Variants in RGS10 observed in about 807,000 individuals in gnomAD.
RGS10 encodes the protein regulator of G protein signaling 10, also known as regulator of G-protein signalling 10.
Under a neutral mutation model 23.5 loss-of-function variants are expected in RGS10, and 11 were observed. The observed-to-expected ratio is 0.47, with a 90% CI of 0.29 to 0.77. RGS10 has a LOEUF of 0.77. RGS10 is among the 30% of genes least tolerant of loss of function. The pLI is 0.08. For missense variants in RGS10, 180 were observed against 226.3 expected (o/e 0.80, Z 1.31); for synonymous variants, 77 against 83.2 (o/e 0.92, Z 0.41).
At chr10:119,534,873 A>G (rs1371663455) in intron 1 of RGS10, among the ~76,000 whole-genome samples, 2 of 152,190 alleles carry the variant, frequency 1.3e-5, no homozygotes, top group African/African-American at 4.8e-5. Flanking sequence ...CTGGTGACAG[A>G]GCAAGACTCT....
intron 4 of RGS10, among the ~76,000 whole-genome samples, chr10:119,514,763 C>A (rs567039997): frequency 8.5e-5 from 13 of 152,142 alleles, no homozygotes; most frequent in African/African-American, 3.1e-4. Context: ...TACAGGTTCG[C>A]AACCCTGGCT....
intron 4 of RGS10, 59 bp downstream of exon 4, chr10:119,515,450 C>T (rs1053757962): frequency 1.9e-6 from 3 of 1,603,808 alleles, no homozygotes; most frequent in East Asian, 4.5e-5. Context: ...GTAAATTCTT[C>T]CAGGCCTGGA....
chr10:119,521,651 G>GAAGGAAGGAAGGA (rs1844219381), intron 3 of RGS10, among the ~76,000 whole-genome samples: 1 of 139,142 alleles, frequency 7.2e-6, no homozygotes, highest in Admixed American at 7.4e-5. Flanking sequence ...AGGAAGGAAG[G>GAAGGAAGGAAGGA]AAGGAAAGGA....
chr10:119,515,770 C>T, intron 3 of RGS10, 118 bp from the exon 4 acceptor site: 4 of 1,261,324 alleles, frequency 3.2e-6, no homozygotes, highest in South Asian at 1.5e-5. Context: ...AGGCACCCCC[C>T]ACAGCCCAGG....
At chr10:119,518,253 G>A (rs1197575670) in intron 3 of RGS10, among the ~76,000 whole-genome samples, 1 of 152,168 alleles carries the variant, frequency 6.6e-6, no homozygotes, top group Non-Finnish European at 1.5e-5. Context: ...CTGGACCAGA[G>A]AGCCCCTTTC....
Position 119,538,907 on chromosome 10 carries a change from T to G in RGS10, c.49+3683A>C, listed in dbSNP as rs925323795. Among the ~76,000 whole-genome samples the G allele has an allele frequency of 2.0e-5, 3 of 152,110 alleles. No homozygotes were observed. Among genetic ancestry groups the G allele is most frequent in the Non-Finnish European group, 4.4e-5 (3 of 68,012 alleles). ...TTCCCAGAGCCCAGCATCTGGGGAC[T>G]CACTCCACCCAGGGAGGGAAGTGAC... is the stretch of plus-strand genomic sequence containing the variant. On this transcript the variant is annotated intron_variant, in intron 1 of 4. Coordinates refer to ENST00000369103, the MANE Select transcript of RGS10 (RefSeq NM_001005339.2). This position sits in a 1 kb window ranked among gnomAD's most constrained non-coding sequence, Gnocchi z 4.5.
In RGS10 at chr10:119,535,119, C is replaced by T. The variant is rs539148591; in HGVS notation, c.49+7471G>A. Reference sequence around the variant, plus strand: ...CCAGGTACTCCTGCTCCAGAGTACACGCTCTTTACCAAGGGCTCTACTGCC... The same window carrying T: ...CCAGGTACTCCTGCTCCAGAGTACATGCTCTTTACCAAGGGCTCTACTGCC... On this transcript the variant is annotated intron_variant, in intron 1 of 4. Coordinates refer to ENST00000369103, the MANE Select transcript of RGS10 (RefSeq NM_001005339.2). 5.9e-5 allele frequency among the ~76,000 whole-genome samples: 9 copies of T among 152,152 alleles called. No homozygotes were observed. The South Asian group carries it at 1.2e-3, about 21-fold the overall frequency.
intron 3 of RGS10, among the ~76,000 whole-genome samples, chr10:119,518,433 G>A (rs1425884622): frequency 2.0e-5 from 3 of 152,196 alleles, no homozygotes; most frequent in Non-Finnish European, 4.4e-5. Flanking sequence ...CCCAGCAGTG[G>A]CTCAACTGTG....
intron 3 of RGS10, among the ~76,000 whole-genome samples, chr10:119,520,794 C>CA (rs146264830): frequency 0.041 from 4,565 of 111,912 alleles, 130 homozygotes; most frequent in African/African-American, 0.093. Context: ...AAGATGTAGT[C>CA]AAAATCTCCA....
rs918301497 is a variant in RGS10, at chr10:119,524,960, C to T, written c.255+1072G>A. Among the ~76,000 whole-genome samples, 1 of 152,222 alleles carries T rather than the reference C, an allele frequency of 6.6e-6. No homozygotes were observed. Among genetic ancestry groups the T allele is most frequent in the Non-Finnish European group, 1.5e-5 (1 of 68,048 alleles). On this transcript the variant is annotated intron_variant, in intron 3 of 4. Coordinates refer to ENST00000369103, the MANE Select transcript of RGS10 (RefSeq NM_001005339.2). This position sits in a 1 kb window ranked among gnomAD's most constrained non-coding sequence, Gnocchi z 5.2. ...CAAGCAGTTGTCTGCAAACGCTTCACGGCTTCTGGCCCATAGATTCCAGCT... is the reference window on the plus strand; with the variant it reads ...CAAGCAGTTGTCTGCAAACGCTTCATGGCTTCTGGCCCATAGATTCCAGCT...
At chr10:119,511,200 C>G (rs1332024326) in intron 4 of RGS10, among the ~76,000 whole-genome samples, 1 of 152,204 alleles carries the variant, frequency 6.6e-6, no homozygotes, top group Non-Finnish European at 1.5e-5. Context: ...TTCGCCTCTC[C>G]TGGCTTTGCC....
chr10:119,534,654 G>A (rs1265481198), intron 1 of RGS10, among the ~76,000 whole-genome samples: 1 of 150,420 alleles, frequency 6.6e-6, no homozygotes, highest in Non-Finnish European at 1.5e-5. Context: ...ACTTTGGGAG[G>A]CTGAGGCAGG....
intron 4 of RGS10, among the ~76,000 whole-genome samples, chr10:119,507,964 C>T (rs150335142): frequency 3.1e-4 from 47 of 152,170 alleles, no homozygotes; most frequent in African/African-American, 9.4e-4. Context: ...TCCAAAGCCT[C>T]GGGAAGGCAC....
At position 119,542,535 on chromosome 10, in the gene RGS10, G is replaced by A. The variant is rs986140781; in HGVS notation, c.49+55C>T. 1.9e-5 allele frequency: 26 copies of A among 1,351,710 alleles called. No individual in the cohort carries two copies. In the South Asian group the frequency reaches 3.4e-4, roughly 18 times the overall value. 83.7% of individuals were successfully genotyped at this position (1,351,710 alleles called of 1,614,324 possible). On this transcript the variant is annotated intron_variant, in intron 1 of 4. Transcript: ENST00000369103. ...AGCACAAGAGGGAGGGCAGGAGGCC[G>A]GGCGGGCGAAACGGCGCCCCGACCC...
chr10:119,503,153 G>A (rs578001759), intron 4 of RGS10, among the ~76,000 whole-genome samples: 4 of 152,088 alleles, frequency 2.6e-5, no homozygotes, highest in South Asian at 2.1e-4. Flanking sequence ...TGAGGCGGGC[G>A]GATAGCAAAA....
intron 1 of RGS10, among the ~76,000 whole-genome samples, chr10:119,542,201 C>G (rs1247956382): frequency 6.6e-6 from 1 of 152,226 alleles, no homozygotes; most frequent in African/African-American, 2.4e-5. Context: ...CGGCATCCTT[C>G]CACCCACGCC....
intron 2 of RGS10, among the ~76,000 whole-genome samples, chr10:119,526,698 G>A (rs1844276535): frequency 6.6e-6 from 1 of 152,126 alleles, no homozygotes; most frequent in Non-Finnish European, 1.5e-5. Context: ...TCCCTCCCTG[G>A]GAGCTCCAAC....
At chr10:119,534,304 T>TAAATAAAAA (rs1554858928) in intron 1 of RGS10, among the ~76,000 whole-genome samples, 97 of 117,258 alleles carry the variant, frequency 8.3e-4, no homozygotes, top group Admixed American at 2.5e-3. Context: ...AATAAATAAA[T>TAAATAAAAA]AAAAAAGGCC....
chr10:119,539,166 C>T (rs990076688), intron 1 of RGS10, among the ~76,000 whole-genome samples: 5 of 152,218 alleles, frequency 3.3e-5, no homozygotes, highest in Non-Finnish European at 5.9e-5. Context: ...TTCGGCTGGC[C>T]CCTCTGTCCC....
Sources: allele counts gnomAD v4.1 joint callset (sites outside exome capture counted in the v4.1 genomes callset), GRCh38; gene constraint gnomAD v4.1.1; non-coding constraint Gnocchi (gnomAD v3.1); transcripts MANE v1.5; gene names NCBI Gene and HGNC (gene_info 2026-07-23, HGNC 2026-07-21).